Variants in DDC observed in about 807,000 individuals in gnomAD.
DDC encodes aromatic-L-amino-acid decarboxylase.
DDC carries 43 observed loss-of-function variants against 60.0 expected under a neutral mutation model. That is an observed-to-expected ratio of 0.72 (90% CI 0.56 to 0.92). The LOEUF (loss-of-function observed/expected upper bound fraction) is 0.92. DDC is among the 40% of genes least tolerant of loss of function. The pLI is 0.00. For synonymous variants in DDC, 232 were observed against 234.6 expected (o/e 0.99, Z 0.10); for missense variants, 573 against 620.2 (o/e 0.92, Z 0.81).
chr7:50,526,012 G>A (rs2044028151), intron 6 of DDC, among the ~76,000 whole-genome samples: 1 of 151,924 alleles, frequency 6.6e-6, no homozygotes, highest in Non-Finnish European at 1.5e-5. Flanking sequence ...GAGGAAATGA[G>A]GAGAGGCAAA....
chr7:50,470,782 G>C (rs2042511988), intron 11 of DDC, among the ~76,000 whole-genome samples: 1 of 152,188 alleles, frequency 6.6e-6, no homozygotes, highest in Admixed American at 6.5e-5. Flanking sequence ...GGTTTTCCCA[G>C]ACCCAGTCAG....
At chr7:50,512,184 T>C (rs1441494638) in intron 6 of DDC, among the ~76,000 whole-genome samples, 1 of 152,220 alleles carries the variant, frequency 6.6e-6, no homozygotes, top group Non-Finnish European at 1.5e-5. Flanking sequence ...ATTAAAGGTA[T>C]AGCGATGTAG....
At chr7:50,489,148 A>G (rs1362902561) in intron 9 of DDC, among the ~76,000 whole-genome samples, 3 of 152,130 alleles carry the variant, frequency 2.0e-5, no homozygotes, top group African/African-American at 7.2e-5. Flanking sequence ...CTGGGATTAC[A>G]GACACGTGCC....
At chr7:50,488,306 AAC>A (rs1159528503) in intron 9 of DDC, among the ~76,000 whole-genome samples, 1 of 152,004 alleles carries the variant, frequency 6.6e-6, no homozygotes, top group Admixed American at 6.5e-5. Context: ...TTTTCTGAAA[AAC>A]AATGTTTTCT....
intron 1 of DDC, among the ~76,000 whole-genome samples, chr7:50,549,459 T>C (rs2044909965): frequency 6.6e-6 from 1 of 152,140 alleles, no homozygotes; most frequent in Non-Finnish European, 1.5e-5. Flanking sequence ...GAGACCATCC[T>C]GGCTAACACG....
intron 4 of DDC, among the ~76,000 whole-genome samples, chr7:50,531,184 A>G (rs991351672): frequency 6.6e-6 from 1 of 152,164 alleles, no homozygotes; most frequent in African/African-American, 2.4e-5. Flanking sequence ...GAGGAGAGAG[A>G]AGGGGAGAAA....
At chr7:50,532,502 T>C (rs1336739114) in intron 4 of DDC, among the ~76,000 whole-genome samples, 1 of 152,254 alleles carries the variant, frequency 6.6e-6, no homozygotes, top group East Asian at 1.9e-4. Context: ...TTGTCTTTCC[T>C]ACTAGCCTTG....
intron 9 of DDC, 52 bp from the exon 10 acceptor site, chr7:50,479,915 A>G (rs572322347): frequency 4.1e-6 from 6 of 1,461,896 alleles, no homozygotes; most frequent in Non-Finnish European, 5.7e-6. Context: ...CCTAGACTGG[A>G]CCACCTCTCC....
chr7:50,500,591 G>A (rs1180888097), intron 7 of DDC, among the ~76,000 whole-genome samples: 1 of 152,168 alleles, frequency 6.6e-6, no homozygotes, highest in Non-Finnish European at 1.5e-5. Context: ...GCTCACTGCT[G>A]CATCCATCTG....
intron 13 of DDC, among the ~76,000 whole-genome samples, chr7:50,464,251 A>C (rs1290559553): frequency 6.6e-6 from 1 of 152,128 alleles, no homozygotes; most frequent in African/African-American, 2.4e-5. Flanking sequence ...AGGGAGGATG[A>C]GTGGGAAGGA....
At position 50,564,538 on chromosome 7, in the gene DDC, G is replaced by A. The variant is rs762502003; in HGVS notation, c.-29+747C>T. On this transcript the variant is annotated intron_variant, in intron 1 of 14. Transcript: ENST00000444124. ...CTCAGAAGTAATGGTTTTAACTCAC[G>A]CATGATGGAGAGCAATGATTTCCAT... 8.5e-5 allele frequency among the ~76,000 whole-genome samples: 13 copies of A among 152,314 alleles called. No homozygotes were observed. In the East Asian group the frequency reaches 1.2e-3, roughly 14 times the overall value.
rs375716771 is a variant in DDC at position 50,495,371 on chromosome 7, T to A, written c.923A>T (p.Asn308Ile). 6.8e-6 allele frequency: 11 copies of A among 1,613,220 alleles called. No homozygotes were observed. In the Admixed American group the frequency reaches 1.2e-4, roughly 17 times the overall value. ...NFNPHKWLLV[N>I]FDCSAMWVKK... ...TTACCACATGGCAGAACAGTCAAAA[T>A]TCACCAATAGCCATTTGTGGGGATT... The change falls in exon 9 of 15, where the codon AAT becomes ATT. Residue 308 changes from asparagine (N) to isoleucine (I), a missense_variant. Transcript: ENST00000444124.
chr7:50,531,675 A>G (rs1401227508), intron 4 of DDC: 1 of 152,138 alleles, frequency 6.6e-6, no homozygotes, highest in Non-Finnish European at 1.5e-5. Context: ...GCAAATCGTC[A>G]GTAGCACATC....
chr7:50,490,584 C>T (rs1353669327), intron 9 of DDC, among the ~76,000 whole-genome samples: 2 of 152,108 alleles, frequency 1.3e-5, no homozygotes, highest in Non-Finnish European at 2.9e-5. Flanking sequence ...GCAGGAGACT[C>T]GCTTGAACCT....
At chr7:50,463,546 C>A in intron 13 of DDC, 115 bp from the exon 14 acceptor site, 1 of 861,814 alleles carries the variant, frequency 1.2e-6, no homozygotes, top group Non-Finnish European at 2.0e-6. Flanking sequence ...AAGAAGCCGA[C>A]TAACCATCCC....
chr7:50,497,123 G>T (rs1292196976), intron 8 of DDC, among the ~76,000 whole-genome samples: 4 of 152,150 alleles, frequency 2.6e-5, no homozygotes, highest in Non-Finnish European at 5.9e-5. Context: ...CTGCCAACCG[G>T]AGAGAAAGGC....
intron 9 of DDC, among the ~76,000 whole-genome samples, chr7:50,485,572 T>C (rs2042863899): frequency 6.6e-6 from 1 of 152,232 alleles, no homozygotes; most frequent in Non-Finnish European, 1.5e-5. Flanking sequence ...AAAGACACTT[T>C]AAAAATTCAC....
chr7:50,493,149 C>T (rs1182752522), intron 9 of DDC: 2 of 716,564 alleles, frequency 2.8e-6, no homozygotes, highest in African/African-American at 3.5e-5. Context: ...GTCTGTGTCC[C>T]TCAACACAGG....
At chr7:50,510,156 C>T (rs550424885) in intron 6 of DDC, among the ~76,000 whole-genome samples, 70 of 151,894 alleles carry the variant, frequency 4.6e-4, no homozygotes, top group Non-Finnish European at 7.8e-4. Context: ...TTTGTATTTT[C>T]AGTAGAGAAG....
Sources: allele counts gnomAD v4.1 joint callset (sites outside exome capture counted in the v4.1 genomes callset), GRCh38; gene constraint gnomAD v4.1.1; transcripts MANE v1.5; gene names NCBI Gene and HGNC (gene_info 2026-07-23, HGNC 2026-07-21).